ZNF727: variants seen among roughly 807,000 people sequenced by gnomAD.
ZNF727 encodes the protein zinc finger protein 727, also known as putative zinc finger protein 727.
Under a neutral mutation model 11.5 loss-of-function variants are expected in ZNF727, and 11 were observed. That is an observed-to-expected ratio of 0.95 (90% confidence interval 0.60 to 1.58). ZNF727 has a LOEUF of 1.58. Ranked by LOEUF, ZNF727 falls within the 40% of genes most tolerant of loss-of-function variation. ZNF727 has a pLI of 0.00. For missense variants in ZNF727, 533 were observed against 581.7 expected (o/e 0.92, Z 0.86); for synonymous variants, 171 against 196.1 (o/e 0.87, Z 1.07).
chr7:64,063,648 A>T (rs73698305), intron 1 of ZNF727, among the ~76,000 whole-genome samples: 4,970 of 151,850 alleles, frequency 0.033, 105 homozygotes, highest in Admixed American at 0.055. Flanking sequence ...TCACTCAAGA[A>T]CCAAGTTCTC....
chr7:64,063,003 G>A (rs1280386906), intron 1 of ZNF727, among the ~76,000 whole-genome samples: 6 of 151,200 alleles, frequency 4.0e-5, no homozygotes, highest in South Asian at 4.2e-4. Flanking sequence ...ATCAGATTCC[G>A]AATTTCTTAT....
Position 64,069,582 on chromosome 7 carries a change from A to C in ZNF727, c.199A>C (p.Arg67=), listed in dbSNP as rs1789927303. The C allele has an allele frequency of 6.4e-7, 1 of 1,562,642 alleles. No homozygotes were observed. Among genetic ancestry groups the C allele is most frequent in the African/African-American group, 1.4e-5 (1 of 73,412 alleles). ...EQRKEPWNAR[R]QKTVAKHPAG... The stretch of plus-strand genomic sequence containing the variant: ...AAGAAAAGAGCCTTGGAATGCGAGG[A>C]GACAGAAGACAGTAGCCAAACACCC... The change falls in exon 3 of 4, where the codon AGA becomes CGA. Residue 67 remains arginine, a synonymous_variant. Coordinates refer to ENST00000456806, the MANE Select transcript of ZNF727 (RefSeq NM_001159522.3).
chr7:64,060,465 C>G (rs7810753), intron 1 of ZNF727, among the ~76,000 whole-genome samples: 97,126 of 152,002 alleles, frequency 0.64, 31,782 homozygotes, highest in Non-Finnish European at 0.71. Context: ...ACAGTCCCTT[C>G]CAGAGCAGTT....
intron 3 of ZNF727, among the ~76,000 whole-genome samples, chr7:64,072,881 C>A (rs190690182): frequency 1.3e-5 from 2 of 152,040 alleles, no homozygotes; most frequent in East Asian, 3.9e-4. Context: ...AAAGTCTCTT[C>A]TTTGATAAGG....
chr7:64,059,176 C>T (rs1789732818), intron 1 of ZNF727, among the ~76,000 whole-genome samples: 1 of 152,110 alleles, frequency 6.6e-6, no homozygotes, highest in Admixed American at 6.5e-5. Context: ...AACTCCTGAC[C>T]TTGTGATCTG....
intron 1 of ZNF727, among the ~76,000 whole-genome samples, chr7:64,052,479 C>T (rs933050213): frequency 1.5e-4 from 23 of 151,194 alleles, no homozygotes; most frequent in African/African-American, 5.4e-4. Flanking sequence ...AGCCAGATTG[C>T]GCAGGCAGAA....
chr7:64,059,627 CT>C (rs1208499209), intron 1 of ZNF727, among the ~76,000 whole-genome samples: 1 of 152,192 alleles, frequency 6.6e-6, no homozygotes, highest in African/African-American at 2.4e-5. Flanking sequence ...ACTAAACCCT[CT>C]TTCATGAGAA....
rs1305385233 is a variant in ZNF727 at position 64,080,986 on chromosome 7, T to C, written c.*2437T>C. ...CTCAGCTCACAACTTAGAGTCTGCA[T>C]ACTCTAACTCTGGGGGAGTTGTATT... On this transcript the variant is annotated 3_prime_UTR_variant, in exon 4 of 4. Coordinates refer to ENST00000456806, the MANE Select transcript of ZNF727 (RefSeq NM_001159522.3). 1.3e-5 allele frequency among the ~76,000 whole-genome samples: 2 copies of C among 151,766 alleles called. No individual in the cohort carries two copies. The highest frequency in any genetic ancestry group is 2.9e-5 in the Non-Finnish European group (2 of 67,980).
At chr7:64,046,577 A>G (rs750186701) in intron 1 of ZNF727, among the ~76,000 whole-genome samples, 2 of 152,130 alleles carry the variant, frequency 1.3e-5, no homozygotes, top group Non-Finnish European at 2.9e-5. Flanking sequence ...CTCCTGCTTC[A>G]CCTTGCACCA....
At chr7:64,052,299 T>A (rs1472719639) in intron 1 of ZNF727, among the ~76,000 whole-genome samples, 1 of 152,114 alleles carries the variant, frequency 6.6e-6, no homozygotes, top group Non-Finnish European at 1.5e-5. Context: ...AAACTCATCC[T>A]AACACCTCCA....
At chr7:64,061,853 A>T (rs370615486) in intron 1 of ZNF727, among the ~76,000 whole-genome samples, 22 of 125,374 alleles carry the variant, frequency 1.8e-4, no homozygotes, top group African/African-American at 6.1e-4. Context: ...GATTTTATGT[A>T]TGTGTGTCTA....
At chr7:64,052,568 C>A (rs149709557) in intron 1 of ZNF727, among the ~76,000 whole-genome samples, 1 of 152,046 alleles carries the variant, frequency 6.6e-6, no homozygotes, top group Non-Finnish European at 1.5e-5. Context: ...GGTCAGAGCC[C>A]CCACACAAAG....
chr7:64,071,464 T>G (rs1419958222), intron 3 of ZNF727, among the ~76,000 whole-genome samples: 1 of 152,062 alleles, frequency 6.6e-6, no homozygotes, highest in Admixed American at 6.6e-5. Context: ...TTATTATTAC[T>G]GCTATTATCA....
At chr7:64,050,607 A>G (rs559234779) in intron 1 of ZNF727, among the ~76,000 whole-genome samples, 4 of 152,342 alleles carry the variant, frequency 2.6e-5, no homozygotes, top group South Asian at 2.1e-4. Context: ...AACAGCCAGT[A>G]AAGTTTTACA....
Position 64,083,526 on chromosome 7 carries a change from G to A in ZNF727, c.*4977G>A, listed in dbSNP as rs551672159. 1.3e-5 allele frequency among the ~76,000 whole-genome samples: 2 copies of A among 152,308 alleles called. No individual in the cohort carries two copies. The highest frequency in any genetic ancestry group is 6.5e-5 in the Admixed American group (1 of 15,298). ...CTACTTTTTCTGGGAAGCCTGGAAA[G>A]CCAGAGTATCTGAGGCTCTTGAATC... On this transcript the variant is annotated 3_prime_UTR_variant, in exon 4 of 4. Coordinates refer to ENST00000456806, the MANE Select transcript of ZNF727 (RefSeq NM_001159522.3).
intron 1 of ZNF727, among the ~76,000 whole-genome samples, chr7:64,052,233 G>A (rs572833222): frequency 5.9e-5 from 9 of 152,246 alleles, no homozygotes; most frequent in African/African-American, 2.2e-4. Context: ...TTAGCTAAAA[G>A]TCTCTGCAGG....
chr7:64,053,104 G>GA (rs1210094946), intron 1 of ZNF727, among the ~76,000 whole-genome samples: 1 of 152,112 alleles, frequency 6.6e-6, no homozygotes, highest in Non-Finnish European at 1.5e-5. Flanking sequence ...GAGAAGGCAT[G>GA]ATTGATTATG....
At chr7:64,064,144 A>C (rs1274867467) in intron 1 of ZNF727, among the ~76,000 whole-genome samples, 1 of 152,114 alleles carries the variant, frequency 6.6e-6, no homozygotes. Flanking sequence ...GCTGGTAATC[A>C]AGCTTCAAGA....
rs774382354 is a variant in ZNF727 at position 64,068,892 on chromosome 7, G to A, written c.5G>A (p.Arg2Gln). 7.5e-6 allele frequency: 12 copies of A among 1,592,138 alleles called. No homozygotes were observed. The African/African-American group carries it at 8.1e-5, about 11-fold the overall frequency. ...TGGTAAATATGTTTTGTTTTTCAGC[G>A]AGTGCTAACATTCAGGGATGTGGCT... Reference protein sequence around the residue: MRVLTFRDVAVE... With the variant: MQVLTFRDVAVE... Residue 2 changes from arginine to glutamine, a missense_variant and splice_region_variant, in exon 2 of 4, where the codon CGA becomes CAA. Transcript: ENST00000456806.
Sources: gnomAD v4.1 joint callset for allele counts (sites outside exome capture counted in the v4.1 genomes callset) on GRCh38, gnomAD v4.1.1 for gene constraint, MANE v1.5 for transcripts, NCBI Gene and HGNC (gene_info 2026-07-23, HGNC 2026-07-21) for gene names.